The following KIAA0825 variants were observed in gnomAD, a reference collection of about 807,000 sequenced individuals.
KIAA0825 encodes uncharacterized protein KIAA0825.
In KIAA0825, 119 loss-of-function variants were observed where a neutral mutation model predicts 147.6. The observed-to-expected ratio is 0.81, with a 90% confidence interval of 0.69 to 0.94. The LOEUF (loss-of-function observed/expected upper bound fraction) is 0.94, where lower values mean the gene tolerates loss of function less well. KIAA0825 is among the 40% of genes least tolerant of loss of function. KIAA0825 has a pLI of 0.00. For missense variants in KIAA0825, 1,381 were observed against 1,472.7 expected, an observed-to-expected ratio of 0.94 and a Z score of 1.02; for synonymous variants, 470 against 518.1, an observed-to-expected ratio of 0.91 and a Z score of 1.26.
At chr5:94,303,382 T>C (rs1445126072) in intron 20 of KIAA0825, among the ~76,000 whole-genome samples, 1 of 151,498 alleles carries the variant, frequency 6.6e-6, no homozygotes, top group African/African-American at 2.4e-5. Context: ...CTGGTCCATA[T>C]ATTAGGGATA....
At chr5:94,486,383 T>G (rs1763061123) in intron 5 of KIAA0825, among the ~76,000 whole-genome samples, 1 of 152,052 alleles carries the variant, frequency 6.6e-6, no homozygotes, top group South Asian at 2.1e-4. Context: ...GCTATTCCAC[T>G]TCACTTCAGT....
intron 3 of KIAA0825, among the ~76,000 whole-genome samples, chr5:94,535,696 C>A (rs1771866078): frequency 6.6e-6 from 1 of 152,080 alleles, no homozygotes; most frequent in African/African-American, 2.4e-5. Context: ...CCCCAATCTC[C>A]CAGTTCCTGT....
chr5:94,473,507 C>T lies in KIAA0825; in HGVS notation c.1240G>A (p.Asp414Asn). 6.5e-7 allele frequency: 1 copy of T among 1,550,050 alleles called. No homozygotes were observed. Among genetic ancestry groups the T allele is most frequent in the Non-Finnish European group, 8.7e-7 (1 of 1,145,582 alleles). Residue 414 changes from aspartate to asparagine, a missense_variant, in exon 8 of 21, where the codon GAT becomes AAT. By Grantham distance (23) the Asp-to-Asn change is conservative. Transcript: ENST00000682413. ...SLPGKEATLL[D>N]FGWRSAFKEV... ...TTAAATGCACTTCTCCAGCCAAAAT[C>T]TAGTAAGGTAGCCTGAAATATCAAT...
chr5:94,492,159 GTTTA>G (rs1763811233), intron 5 of KIAA0825, among the ~76,000 whole-genome samples: 1 of 152,168 alleles, frequency 6.6e-6, no homozygotes, highest in Admixed American at 6.5e-5. Flanking sequence ...TGTATCATAT[GTTTA>G]TTTATACCAT....
chr5:94,215,912 C>T (rs1220565502), intron 20 of KIAA0825, among the ~76,000 whole-genome samples: 1 of 152,082 alleles, frequency 6.6e-6, no homozygotes, highest in Non-Finnish European at 1.5e-5. Context: ...TGATAAGCTC[C>T]GAATCCATAT....
At chr5:94,163,132 AC>A (rs1583709869) in intron 20 of KIAA0825, among the ~76,000 whole-genome samples, 1 of 152,076 alleles carries the variant, frequency 6.6e-6, no homozygotes, top group South Asian at 2.1e-4. Context: ...TATACTCACA[AC>A]CTTTTTAAAA....
intron 20 of KIAA0825, among the ~76,000 whole-genome samples, chr5:94,210,078 C>T (rs927728665): frequency 6.6e-6 from 1 of 152,158 alleles, no homozygotes; most frequent in Non-Finnish European, 1.5e-5. Context: ...CTTCAGCTGG[C>T]CTAATGATTG....
intron 20 of KIAA0825, among the ~76,000 whole-genome samples, chr5:94,364,140 T>C (rs1281178896): frequency 6.6e-6 from 1 of 151,926 alleles, no homozygotes; most frequent in African/African-American, 2.4e-5. Flanking sequence ...TTTCACAAGG[T>C]AGCTCATGCT....
intron 5 of KIAA0825, among the ~76,000 whole-genome samples, chr5:94,490,535 T>G (rs1763609098): frequency 6.6e-6 from 1 of 152,092 alleles, no homozygotes; most frequent in African/African-American, 2.4e-5. Context: ...ATTGATAATA[T>G]TTTTTCTAAA....
intron 2 of KIAA0825, among the ~76,000 whole-genome samples, chr5:94,566,490 T>G (rs751660568): frequency 2.0e-5 from 3 of 152,126 alleles, no homozygotes; most frequent in Non-Finnish European, 2.9e-5. Context: ...TTCAAAAAAT[T>G]TATATCTTTG....
At chr5:94,422,237 A>G (rs1045242309) in intron 14 of KIAA0825, among the ~76,000 whole-genome samples, 1 of 152,124 alleles carries the variant, frequency 6.6e-6, no homozygotes, top group Non-Finnish European at 1.5e-5. Flanking sequence ...AGGTCATAAG[A>G]CCCTCATTCC....
intron 4 of KIAA0825, among the ~76,000 whole-genome samples, chr5:94,521,373 C>T (rs1285638243): frequency 6.6e-6 from 1 of 151,692 alleles, no homozygotes; most frequent in Admixed American, 6.6e-5. Context: ...CCCAAATGAA[C>T]ATATCATACA....
At chr5:94,557,051 G>A (rs754608743) in intron 2 of KIAA0825, among the ~76,000 whole-genome samples, 8 of 152,116 alleles carry the variant, frequency 5.3e-5, no homozygotes, top group Non-Finnish European at 7.4e-5. Context: ...CTGTTTACCA[G>A]GCTCCTGGTA....
intron 20 of KIAA0825, among the ~76,000 whole-genome samples, chr5:94,272,246 TTAGA>T (rs1484784287): frequency 2.6e-5 from 4 of 151,972 alleles, no homozygotes; most frequent in Admixed American, 1.3e-4. Flanking sequence ...AAAAATATAG[TTAGA>T]TAGAATGAAA....
intron 1 of KIAA0825, among the ~76,000 whole-genome samples, chr5:94,599,053 A>G (rs757717873): frequency 6.6e-6 from 1 of 152,160 alleles, no homozygotes; most frequent in Non-Finnish European, 1.5e-5. Context: ...AAAGCTGAAT[A>G]CTGTTTTCTA....
intron 20 of KIAA0825, among the ~76,000 whole-genome samples, chr5:94,350,886 CTTTT>C (rs35084160): frequency 7.2e-6 from 1 of 139,262 alleles, no homozygotes; most frequent in African/African-American, 2.6e-5. Flanking sequence ...GATGTCCACT[CTTTT>C]TTTTTTTTTT....
At chr5:94,202,703 G>A (rs1354906882) in intron 20 of KIAA0825, among the ~76,000 whole-genome samples, 1 of 152,166 alleles carries the variant, frequency 6.6e-6, no homozygotes, top group Admixed American at 6.5e-5. Context: ...CTGGGAAAGA[G>A]CCTCATCCCT....
intron 20 of KIAA0825, among the ~76,000 whole-genome samples, chr5:94,319,874 C>G (rs559480199): frequency 6.6e-6 from 1 of 152,010 alleles, no homozygotes; most frequent in South Asian, 2.1e-4. Flanking sequence ...CAAAATCAGC[C>G]TACCATTCAA....
chr5:94,517,329 G>T (rs1453779720), intron 5 of KIAA0825, among the ~76,000 whole-genome samples: 3 of 152,102 alleles, frequency 2.0e-5, no homozygotes, highest in Non-Finnish European at 4.4e-5. Flanking sequence ...ATAAAAGGCT[G>T]TTGAGAAGGT....
Sources: gnomAD v4.1 joint callset for allele counts (sites outside exome capture counted in the v4.1 genomes callset) on GRCh38, gnomAD v4.1.1 for gene constraint, MANE v1.5 for transcripts, NCBI Gene and HGNC (gene_info 2026-07-23, HGNC 2026-07-21) for gene names.